Variants in PID1 observed in about 807,000 individuals in gnomAD.
PID1 encodes the protein phosphotyrosine interaction domain containing 1.
A neutral mutation model predicts 19.1 loss-of-function variants in PID1; 10 were observed. The ratio of observed to expected loss-of-function variants is 0.52; its 90% CI spans 0.32 to 0.89. The LOEUF (loss-of-function observed/expected upper bound fraction) is 0.89. PID1 is among the 40% of genes least tolerant of loss of function. The pLI is 0.03. For synonymous variants in PID1, 130 were observed against 116.0 expected (o/e 1.12, Z -0.78); for missense variants, 248 against 285.3 (o/e 0.87, Z 0.94).
chr2:229,049,982 C>G (rs917762132), intron 2 of PID1, among the ~76,000 whole-genome samples: 1 of 152,082 alleles, frequency 6.6e-6, no homozygotes, highest in Admixed American at 6.5e-5. Flanking sequence ...CATGTACACA[C>G]CTACGTATAA....
chr2:229,161,661 A>G (rs554640554), intron 1 of PID1, among the ~76,000 whole-genome samples: 108 of 152,356 alleles, frequency 7.1e-4, no homozygotes, highest in African/African-American at 2.4e-3. Context: ...AATCTGAAGT[A>G]GGTATTACGG....
chr2:229,049,958 C>A (rs1368866351), intron 2 of PID1, among the ~76,000 whole-genome samples: 2 of 152,108 alleles, frequency 1.3e-5, no homozygotes, highest in African/African-American at 4.8e-5. Context: ...TTTATATATA[C>A]ACATTTGTAT....
chr2:229,117,362 T>G (rs1197821510), intron 2 of PID1, among the ~76,000 whole-genome samples: 1 of 152,116 alleles, frequency 6.6e-6, no homozygotes. Flanking sequence ...TCTAATCAAA[T>G]CTACCTTCAC....
intron 2 of PID1, among the ~76,000 whole-genome samples, chr2:229,119,497 T>G (rs1384202401): frequency 6.6e-6 from 1 of 152,172 alleles, no homozygotes; most frequent in Non-Finnish European, 1.5e-5. Flanking sequence ...TGTTCTTTAT[T>G]TAAAGCCATC....
chr2:229,186,401 C>A (rs10933279), intron 1 of PID1, among the ~76,000 whole-genome samples: 135,502 of 152,114 alleles, frequency 0.89, 60,499 homozygotes, highest in African/African-American at 0.94. Context: ...GGGGTTTTGA[C>A]CACACATTTC....
intron 2 of PID1, among the ~76,000 whole-genome samples, chr2:229,133,682 T>C (rs1054366674): frequency 6.6e-6 from 1 of 152,252 alleles, no homozygotes; most frequent in African/African-American, 2.4e-5. Flanking sequence ...TCCATTGATA[T>C]GAGCCAATGA....
intron 2 of PID1, among the ~76,000 whole-genome samples, chr2:229,140,412 T>TTTAA (rs1467566061): frequency 6.6e-6 from 1 of 152,038 alleles, no homozygotes; most frequent in African/African-American, 2.4e-5. Context: ...AAGTTATGGA[T>TTTAA]TACAAATCTG....
At chr2:229,074,148 C>T (rs986955838) in intron 2 of PID1, among the ~76,000 whole-genome samples, 4 of 152,126 alleles carry the variant, frequency 2.6e-5, no homozygotes, top group African/African-American at 7.2e-5. Flanking sequence ...AGATGGTAAA[C>T]CTGTTTATGA....
At chr2:229,180,019 T>C (rs1222339267) in intron 1 of PID1, among the ~76,000 whole-genome samples, 1 of 152,206 alleles carries the variant, frequency 6.6e-6, no homozygotes, top group Non-Finnish European at 1.5e-5. Flanking sequence ...TCAAAGGGAC[T>C]GGCTAAATCT....
At chr2:229,262,376 T>C (rs111297963) in intron 1 of PID1, among the ~76,000 whole-genome samples, 1 of 152,168 alleles carries the variant, frequency 6.6e-6, no homozygotes, top group Non-Finnish European at 1.5e-5. Flanking sequence ...TGCTGCCTTT[T>C]CCTAGGATGT....
intron 2 of PID1, among the ~76,000 whole-genome samples, chr2:229,073,451 C>T (rs1051763683): frequency 6.6e-6 from 1 of 152,192 alleles, no homozygotes; most frequent in African/African-American, 2.4e-5. Context: ...GGTGTAGTTG[C>T]ATGAATTGCC....
rs977303703 is a variant in PID1 at position 229,155,874 on chromosome 2, T to G, written c.121A>C (p.Ile41Leu). Residue 41 changes from isoleucine to leucine, a missense_variant, in exon 2 of 3, where the codon ATT (isoleucine) becomes CTT (leucine). Coordinates refer to ENST00000392055, the MANE Select transcript of PID1 (RefSeq NM_001100818.2). ...AGCGGTGTGGTCGTGCACAGCTCAA[T>G]GGCCTCCGGCTCATGGAAGATGACC... ...PAVIFHEPEA[I>L]ELCTTTPLMK... 2 of 1,613,904 alleles carry G rather than the reference T, an allele frequency of 1.2e-6. No individual in the cohort carries two copies. The highest frequency in any genetic ancestry group is 1.7e-6 in the Non-Finnish European group (2 of 1,179,976).
At chr2:229,046,219 G>A (rs1156807016) in intron 2 of PID1, among the ~76,000 whole-genome samples, 2 of 152,064 alleles carry the variant, frequency 1.3e-5, no homozygotes, top group Non-Finnish European at 2.9e-5. Flanking sequence ...CATTTTCTCA[G>A]CAAAGCTTAG....
intron 1 of PID1, among the ~76,000 whole-genome samples, chr2:229,238,969 C>T (rs546353824): frequency 1.2e-4 from 18 of 152,200 alleles, no homozygotes; most frequent in African/African-American, 3.9e-4. Flanking sequence ...ATTTAAAATA[C>T]ATCACTTAAT....
At chr2:229,107,140 G>A (rs1695193556) in intron 2 of PID1, among the ~76,000 whole-genome samples, 1 of 152,112 alleles carries the variant, frequency 6.6e-6, no homozygotes, top group Non-Finnish European at 1.5e-5. Flanking sequence ...ACCAGAAGCT[G>A]GAAGAGGCAA....
chr2:229,132,675 T>C (rs1327743742), intron 2 of PID1, among the ~76,000 whole-genome samples: 1 of 152,254 alleles, frequency 6.6e-6, no homozygotes, highest in Non-Finnish European at 1.5e-5. Context: ...CAGAGGCATA[T>C]AATTTTATGA....
At chr2:229,150,853 C>CTTT (rs35107592) in intron 2 of PID1, among the ~76,000 whole-genome samples, 3 of 137,478 alleles carry the variant, frequency 2.2e-5, no homozygotes, top group Non-Finnish European at 4.7e-5. Context: ...TGTAGAGTGC[C>CTTT]TTTTTTTTTT....
chr2:229,220,345 G>A (rs1691940026), intron 1 of PID1, among the ~76,000 whole-genome samples: 1 of 152,282 alleles, frequency 6.6e-6, no homozygotes, highest in East Asian at 1.9e-4. Flanking sequence ...CCAGATGGAG[G>A]GGCATCCTTA....
At chr2:229,159,448 C>T (rs1057232369) in intron 1 of PID1, among the ~76,000 whole-genome samples, 11 of 152,126 alleles carry the variant, frequency 7.2e-5, no homozygotes, top group East Asian at 1.9e-4. Flanking sequence ...TTGATTCAGT[C>T]GGTTCAAAGA....
Sources: gnomAD v4.1 joint callset for allele counts (sites outside exome capture counted in the v4.1 genomes callset) on GRCh38, gnomAD v4.1.1 for gene constraint, MANE v1.5 for transcripts, NCBI Gene and HGNC (gene_info 2026-07-23, HGNC 2026-07-21) for gene names.